Variants in NAMPT observed in about 807,000 individuals in gnomAD.
The protein encoded by NAMPT is nicotinamide phosphoribosyltransferase, also known as NAmPRTase.
NAMPT carries 7 observed loss-of-function variants against 58.7 expected under a neutral mutation model. That is an observed-to-expected ratio of 0.12 (90% confidence interval 0.07 to 0.22). The LOEUF (loss-of-function observed/expected upper bound fraction) is 0.22. Ranked by LOEUF, NAMPT falls within the 10% of genes least tolerant of loss-of-function variation. The pLI, the probability that NAMPT is intolerant of heterozygous loss-of-function variation, is 1.00. For missense variants in NAMPT, 271 were observed against 567.9 expected, an observed-to-expected ratio of 0.48 and a Z score of 5.31; for synonymous variants, 145 against 198.1, an observed-to-expected ratio of 0.73 and a Z score of 2.25.
chr7:106,261,484 C>T lies in NAMPT; in HGVS notation c.1089+104G>A, dbSNP rs41524145. ...ACAGAGATTTATACCAACATAAACA[C>T]TTACAAAGACTTAAAATTGTATTTA... On this transcript the variant is annotated intron_variant, in intron 8 of 10. Transcript: ENST00000222553. The T allele has an allele frequency of 4.4e-4, 421 of 964,966 alleles. 3 individuals carry two copies. In the East Asian group the frequency reaches 6.9e-3, roughly 16 times the overall value. 59.8% of individuals were successfully genotyped at this position (964,966 alleles called of 1,614,324 possible).
intron 1 of NAMPT, among the ~76,000 whole-genome samples, chr7:106,277,704 A>G (rs970610911): frequency 2.7e-5 from 4 of 150,856 alleles, no homozygotes; most frequent in Admixed American, 2.6e-4. Context: ...GCAGCAAAGT[A>G]AAGCAGCAAA....
Position 106,254,469 on chromosome 7 carries a change from A to T in NAMPT, c.1125T>A (p.Ile375=), listed in dbSNP as rs1792165290. 1 of 1,613,866 alleles carries T rather than the reference A, an allele frequency of 6.2e-7. No individual in the cohort carries two copies. Among genetic ancestry groups the T allele is most frequent in the Non-Finnish European group, 8.5e-7 (1 of 1,179,802 alleles). ...CACCAGAACCGAAGGCAATATTTTC[A>T]ATACTCCACATTTTTTGTTTCATGC... The part of the protein sequence containing the change: ...VEGMKQKMWS[I]ENIAFGSGGG... Residue 375 remains isoleucine (I), a synonymous_variant, in exon 9 of 11, where the codon ATT becomes ATA. Coordinates refer to ENST00000222553, the MANE Select transcript of NAMPT (RefSeq NM_005746.3).
chr7:106,261,202 G>C (rs1054949370), intron 8 of NAMPT, among the ~76,000 whole-genome samples: 2 of 152,178 alleles, frequency 1.3e-5, no homozygotes, highest in Non-Finnish European at 2.9e-5. Context: ...TATAATTTCT[G>C]AAAAAGCACC....
upstream of NAMPT, chr7:106,285,018 G>A (rs1336274153): frequency 4.2e-6 from 6 of 1,437,440 alleles, no homozygotes; most frequent in East Asian, 2.7e-5. Flanking sequence ...AGGGGGAAAC[G>A]GAGAGAGGGG....
At chr7:106,264,083 C>G (rs1316111552) in intron 6 of NAMPT, among the ~76,000 whole-genome samples, 1 of 152,014 alleles carries the variant, frequency 6.6e-6, no homozygotes, top group African/African-American at 2.4e-5. Flanking sequence ...TACAGACATA[C>G]ATTTTGTTTT....
intron 8 of NAMPT, among the ~76,000 whole-genome samples, chr7:106,257,398 G>A (rs1792220856): frequency 1.3e-5 from 2 of 150,502 alleles, no homozygotes; most frequent in South Asian, 2.1e-4. Flanking sequence ...CAAGGAGTTC[G>A]AGGCCAAACA....
chr7:106,268,001 C>G (rs937527947), intron 6 of NAMPT, among the ~76,000 whole-genome samples: 1 of 151,816 alleles, frequency 6.6e-6, no homozygotes, highest in African/African-American at 2.4e-5. Context: ...TAAAAAGAAT[C>G]TGAACACCCT....
rs1792130708 is a variant in NAMPT at position 106,253,042 on chromosome 7, T to C, written c.1340A>G (p.Lys447Arg). The C allele has an allele frequency of 1.2e-6, 2 of 1,613,292 alleles. No individual in the cohort carries two copies. The highest frequency in any genetic ancestry group is 3.3e-5 in the Admixed American group (2 of 59,972). The part of the protein sequence containing the change: ...AGNFVTLEEG[K>R]GDLEEYGQDL... ...CTGACCATATTCCTCAAGGTCTCCTTTTCCTTCCTCCAGTGTAACAAAATT... is the reference window on the plus strand; with the variant it reads ...CTGACCATATTCCTCAAGGTCTCCTCTTCCTTCCTCCAGTGTAACAAAATT... The change falls in exon 10 of 11, where the codon AAA becomes AGA. Residue 447 changes from lysine to arginine, a missense_variant. Coordinates refer to ENST00000222553, the MANE Select transcript of NAMPT (RefSeq NM_005746.3).
At chr7:106,269,039 G>T in intron 5 of NAMPT, 115 bp downstream of exon 5, 1 of 972,886 alleles carries the variant, frequency 1.0e-6, no homozygotes, top group Non-Finnish European at 1.5e-6. Context: ...TCTGTTGGTT[G>T]AATCTTTGGA....
At position 106,280,065 on chromosome 7, in the gene NAMPT, G is replaced by A. The variant is rs113072137; in HGVS notation, c.58-2886C>T. Among the ~76,000 whole-genome samples the A allele has an allele frequency of 5.5e-3, 834 of 152,260 alleles. 3 individuals carry two copies. The highest frequency in any genetic ancestry group is 8.2e-3 in the Non-Finnish European group (558 of 68,004). ...CTGGATTTTATACCAAGTGCAATGGGAAGCCATTATGTTTTAAGCTGGGGT... is the reference window on the plus strand; with the variant it reads ...CTGGATTTTATACCAAGTGCAATGGAAAGCCATTATGTTTTAAGCTGGGGT... On this transcript the variant is annotated intron_variant, in intron 1 of 10. Coordinates refer to ENST00000222553, the MANE Select transcript of NAMPT (RefSeq NM_005746.3).
At chr7:106,261,924 T>C (rs1423906775) in intron 7 of NAMPT, among the ~76,000 whole-genome samples, 1 of 152,088 alleles carries the variant, frequency 6.6e-6, no homozygotes, top group Non-Finnish European at 1.5e-5. Context: ...TCCTATGAAG[T>C]GAATTCACAT....
At chr7:106,258,833 CT>C (rs1792254104) in intron 8 of NAMPT, among the ~76,000 whole-genome samples, 1 of 151,968 alleles carries the variant, frequency 6.6e-6, no homozygotes, top group East Asian at 1.9e-4. Flanking sequence ...TGGCTGCTGA[CT>C]GATCAGGGTT....
chr7:106,284,731 AGCCCC>A, intron 1 of NAMPT, 92 bp downstream of exon 1: 1 of 61,074 alleles, frequency 1.6e-5, no homozygotes, highest in Non-Finnish European at 2.8e-5. Context: ...CCCCAGCCCC[AGCCCC>A]AACCCCAGCC....
At chr7:106,255,357 A>G (rs987897144) in intron 8 of NAMPT, among the ~76,000 whole-genome samples, 1 of 140,938 alleles carries the variant, frequency 7.1e-6, no homozygotes, top group African/African-American at 2.7e-5. Flanking sequence ...GAGAATAGTC[A>G]AACAGAAAGC....
rs1792248727 is a variant in NAMPT, at chr7:106,258,487, CA to C, written c.1089+3100del. Reference sequence around the variant, plus strand: ...CCTACATTATGTTAGTGATATTCTACAGAGTATTTTAGGTGTTATGATGAAA... The same window carrying C: ...CCTACATTATGTTAGTGATATTCTACGAGTATTTTAGGTGTTATGATGAAA... On this transcript the variant is annotated intron_variant, in intron 8 of 10. Transcript: ENST00000222553. 2.0e-5 allele frequency among the ~76,000 whole-genome samples: 3 copies of C among 152,140 alleles called. No homozygotes were observed. In the South Asian group the frequency reaches 6.2e-4, roughly 31 times the overall value.
chr7:106,284,732 G>GCCCCCC, intron 1 of NAMPT, 96 bp downstream of exon 1: 2 of 205,770 alleles, frequency 9.7e-6, no homozygotes, highest in Non-Finnish European at 1.7e-5. Context: ...CCCAGCCCCA[G>GCCCCCC]CCCCAACCCC....
At chr7:106,258,080 C>T (rs774690759) in intron 8 of NAMPT, among the ~76,000 whole-genome samples, 25 of 152,298 alleles carry the variant, frequency 1.6e-4, no homozygotes, top group Non-Finnish European at 1.0e-4. Flanking sequence ...GCAGACTTTT[C>T]TTCTATTTCT....
intron 1 of NAMPT, among the ~76,000 whole-genome samples, chr7:106,283,696 CT>C (rs1181024242): frequency 6.6e-6 from 1 of 152,060 alleles, no homozygotes; most frequent in African/African-American, 2.4e-5. Flanking sequence ...TAAAAGACAA[CT>C]TGTTGATGGA....
chr7:106,267,872 A>AAAAAAAAAAAAAAAAAAAAAC (rs1562815992), intron 6 of NAMPT, among the ~76,000 whole-genome samples: 12 of 136,274 alleles, frequency 8.8e-5, no homozygotes, highest in African/African-American at 3.5e-4. Flanking sequence ...AAAAAAAAAA[A>AAAAAAAAAAAAAAAAAAAAAC]AAAACAACCT....
Sources: allele counts gnomAD v4.1 joint callset (sites outside exome capture counted in the v4.1 genomes callset), GRCh38; gene constraint gnomAD v4.1.1; transcripts MANE v1.5; gene names NCBI Gene and HGNC (gene_info 2026-07-23, HGNC 2026-07-21).